Variants in MTMR7 observed in about 807,000 individuals in gnomAD.
MTMR7 encodes phosphatidylinositol-3-phosphate phosphatase MTMR7.
In MTMR7, 76 loss-of-function variants were observed where a neutral mutation model predicts 81.2. The observed-to-expected ratio is 0.94, with a 90% confidence interval of 0.78 to 1.13. The LOEUF (loss-of-function observed/expected upper bound fraction) is 1.13. MTMR7 is among the 50% of genes most tolerant of loss of function. The probability of loss-of-function intolerance (pLI) is 0.00; values close to 1 mark genes in which losing one functional copy is unlikely to be tolerated. For missense variants in MTMR7, 1,044 were observed against 820.0 expected (o/e 1.27, Z -3.34); for synonymous variants, 372 against 289.8 (o/e 1.28, Z -2.88).
At chr8:17,313,721 A>G (rs932502773) in intron 7 of MTMR7, among the ~76,000 whole-genome samples, 14 of 152,330 alleles carry the variant, frequency 9.2e-5, no homozygotes, top group African/African-American at 3.1e-4. Flanking sequence ...CTTTCCAGCA[A>G]AGTAATTAAA....
intron 1 of MTMR7, among the ~76,000 whole-genome samples, chr8:17,403,768 C>A (rs1401125031): frequency 1.3e-5 from 2 of 151,366 alleles, no homozygotes; most frequent in Non-Finnish European, 2.9e-5. Flanking sequence ...TTATAGTTTG[C>A]CTTTTATAGA....
At chr8:17,327,213 G>A (rs373490190) in intron 7 of MTMR7, among the ~76,000 whole-genome samples, 5 of 152,074 alleles carry the variant, frequency 3.3e-5, no homozygotes, top group African/African-American at 9.7e-5. Flanking sequence ...ACATTCATTC[G>A]GCTTCCAATA....
intron 4 of MTMR7, among the ~76,000 whole-genome samples, chr8:17,357,208 ATTAC>A (rs1268109512): frequency 6.6e-6 from 1 of 152,234 alleles, no homozygotes; most frequent in Non-Finnish European, 1.5e-5. Context: ...GCCTTAGACA[ATTAC>A]TTAATCTCTC....
intron 1 of MTMR7, among the ~76,000 whole-genome samples, chr8:17,396,593 C>T (rs1317402633): frequency 6.6e-6 from 1 of 152,130 alleles, no homozygotes; most frequent in Non-Finnish European, 1.5e-5. Flanking sequence ...TCTGGCAAGC[C>T]TCACTACTGC....
chr8:17,413,047 G>A (rs1336845586), intron 1 of MTMR7, among the ~76,000 whole-genome samples: 2 of 152,188 alleles, frequency 1.3e-5, no homozygotes, highest in East Asian at 3.9e-4. Context: ...AAACCAAGAG[G>A]TCAGACCCAG....
intron 1 of MTMR7, among the ~76,000 whole-genome samples, chr8:17,380,976 C>T (rs1465652442): frequency 1.3e-5 from 2 of 152,244 alleles, no homozygotes; most frequent in South Asian, 2.1e-4. Context: ...CACTAGCAGA[C>T]TTCGGGTATT....
chr8:17,312,644 A>C (rs1817854608), intron 8 of MTMR7, among the ~76,000 whole-genome samples: 1 of 151,656 alleles, frequency 6.6e-6, no homozygotes, highest in African/African-American at 2.4e-5. Flanking sequence ...GTGAGGGAAG[A>C]GACTTGATCT....
Position 17,300,146 on chromosome 8 carries a change from C to A in MTMR7, c.1699G>T (p.Gly567Trp). The A allele has an allele frequency of 6.2e-7, 1 of 1,614,126 alleles. No homozygotes were observed. Among genetic ancestry groups the A allele is most frequent in the Non-Finnish European group, 8.5e-7 (1 of 1,180,010 alleles). The change falls in exon 14 of 14, where the codon GGG becomes TGG. Residue 567 changes from glycine (G) to tryptophan (W), a missense_variant. Coordinates refer to ENST00000180173, the MANE Select transcript of MTMR7 (RefSeq NM_004686.5). ...ATGCTGTTGTCTGAGGTAGAAAACCCTGAGTGCTTGCTGGGCTCACTTTGC... is the reference window on the plus strand; with the variant it reads ...ATGCTGTTGTCTGAGGTAGAAAACCATGAGTGCTTGCTGGGCTCACTTTGC... ...SKQSEPSKHS[G>W]FSTSDNSIAN...
At chr8:17,408,866 G>C (rs914269414) in intron 1 of MTMR7, among the ~76,000 whole-genome samples, 2 of 152,078 alleles carry the variant, frequency 1.3e-5, no homozygotes, top group Non-Finnish European at 2.9e-5. Flanking sequence ...TCTTTTGGGG[G>C]TGACAAAAGT....
chr8:17,347,670 G>A (rs914770452), intron 5 of MTMR7, among the ~76,000 whole-genome samples: 1 of 152,102 alleles, frequency 6.6e-6, no homozygotes, highest in African/African-American at 2.4e-5. Context: ...TTTAAAGGTG[G>A]TTTTTTGCTA....
chr8:17,404,889 G>A (rs369695454), intron 1 of MTMR7, among the ~76,000 whole-genome samples: 13 of 152,274 alleles, frequency 8.5e-5, no homozygotes, highest in South Asian at 4.1e-4. Flanking sequence ...GCAGCGGCGC[G>A]ATCTCAGCTC....
intron 1 of MTMR7, among the ~76,000 whole-genome samples, chr8:17,379,445 G>A (rs1292603916): frequency 6.6e-6 from 1 of 152,174 alleles, no homozygotes; most frequent in East Asian, 1.9e-4. Flanking sequence ...ACCAACCGGG[G>A]CATCTGCACT....
chr8:17,330,978 G>A (rs2150529389), intron 7 of MTMR7, among the ~76,000 whole-genome samples, 172 bp downstream of exon 7: 1 of 152,290 alleles, frequency 6.6e-6, no homozygotes, highest in East Asian at 1.9e-4. Context: ...TCACAGTGAT[G>A]CTTACAAATA....
At chr8:17,390,642 A>T (rs371111088) in intron 1 of MTMR7, among the ~76,000 whole-genome samples, 1 of 152,046 alleles carries the variant, frequency 6.6e-6, no homozygotes, top group East Asian at 2.0e-4. Flanking sequence ...TAATTTATAA[A>T]GGAAAGAGGT....
rs150016669 is a variant in MTMR7, at chr8:17,323,353, T to C, written c.865+7797A>G. Among the ~76,000 whole-genome samples the C allele has an allele frequency of 4.5e-4, 68 of 152,172 alleles. No individual in the cohort carries two copies. The East Asian group carries it at 7.9e-3, about 18-fold the overall frequency. ...TCCCTTGACTCCACTTTCCATATTA[T>C]TTTCACTAAAAAATAGAGAATAATT... On this transcript the variant is annotated intron_variant, in intron 7 of 13. Transcript: ENST00000180173.
chr8:17,346,949 C>G (rs909916525), intron 5 of MTMR7, among the ~76,000 whole-genome samples: 1 of 144,544 alleles, frequency 6.9e-6, no homozygotes, highest in Non-Finnish European at 1.5e-5. Context: ...AATCCCAGCA[C>G]TTTGGGAGGC....
At chr8:17,335,522 G>A (rs1819209113) in intron 6 of MTMR7, among the ~76,000 whole-genome samples, 1 of 152,158 alleles carries the variant, frequency 6.6e-6, no homozygotes, top group South Asian at 2.1e-4. Flanking sequence ...TACATTTAAT[G>A]CCTGAAGAAT....
chr8:17,373,038 G>C, intron 2 of MTMR7, 80 bp downstream of exon 2: 1 of 1,548,714 alleles, frequency 6.5e-7, no homozygotes, highest in African/African-American at 1.4e-5. Context: ...ATCTCACCCT[G>C]AGGAAAAATG....
chr8:17,395,628 T>A (rs1563377995), intron 1 of MTMR7, among the ~76,000 whole-genome samples: 1 of 152,226 alleles, frequency 6.6e-6, no homozygotes, highest in East Asian at 1.9e-4. Context: ...CTAATGGGTA[T>A]AAAGTGGTAT....
Sources: gnomAD v4.1 joint callset for allele counts (sites outside exome capture counted in the v4.1 genomes callset) on GRCh38, gnomAD v4.1.1 for gene constraint, MANE v1.5 for transcripts, NCBI Gene and HGNC (gene_info 2026-07-23, HGNC 2026-07-21) for gene names.